Variants in ANKFN1 observed in about 807,000 individuals in gnomAD.
The protein encoded by ANKFN1 is ankyrin repeat and fibronectin type III domain containing 1.
ANKFN1 carries 74 observed loss-of-function variants against 108.7 expected under a neutral mutation model. The observed-to-expected ratio is 0.68, with a 90% confidence interval of 0.56 to 0.83. The LOEUF (loss-of-function observed/expected upper bound fraction) is 0.83. Among genes scored for constraint, ANKFN1 ranks in the 40% least tolerant of loss-of-function variants. The probability of loss-of-function intolerance (pLI) is 0.00; values close to 1 mark genes in which losing one functional copy is unlikely to be tolerated. For synonymous variants in ANKFN1, 547 were observed against 516.2 expected (o/e 1.06, Z -0.81); for missense variants, 1,505 against 1,382.3 (o/e 1.09, Z -1.41).
intron 4 of ANKFN1, among the ~76,000 whole-genome samples, chr17:56,094,787 C>T (rs924042144): frequency 2.0e-5 from 3 of 149,208 alleles, no homozygotes; most frequent in Non-Finnish European, 4.5e-5. Flanking sequence ...CCCAAAGTGT[C>T]GGGATTACAG....
chr17:56,449,114 A>C lies in ANKFN1; in HGVS notation c.1135A>C (p.Lys379Gln). 1 of 1,613,422 alleles carries C rather than the reference A, an allele frequency of 6.2e-7. No individual in the cohort carries two copies. The highest frequency in any genetic ancestry group is 8.5e-7 in the Non-Finnish European group (1 of 1,179,544). Residue 379 changes from lysine to glutamine, a missense_variant, in exon 11 of 21, where the codon AAG (lysine) becomes CAG (glutamine). Transcript: ENST00000682825. ...CTATGACGACAGAGAGCCCAGACAC[A>C]AGGGACAGAGTGAAGTTTTGGAAGG... ...KDYDDREPRH[K>Q]GQSEVLEGLL...
intron 1 of ANKFN1, among the ~76,000 whole-genome samples, chr17:56,189,480 T>C (rs1258703508): frequency 1.3e-5 from 2 of 152,152 alleles, no homozygotes; most frequent in Non-Finnish European, 2.9e-5. Flanking sequence ...TGCCCTGACT[T>C]TTTGTGAGCC....
intron 10 of ANKFN1, among the ~76,000 whole-genome samples, chr17:56,447,298 G>T (rs1053005985): frequency 5.9e-5 from 9 of 152,168 alleles, no homozygotes; most frequent in African/African-American, 1.9e-4. Context: ...TTAAGTCATG[G>T]TTCTTGACCA....
At chr17:56,135,579 G>A (rs1907549456) in intron 4 of ANKFN1, among the ~76,000 whole-genome samples, 1 of 152,136 alleles carries the variant, frequency 6.6e-6, no homozygotes, top group Non-Finnish European at 1.5e-5. Flanking sequence ...TGAATGAGAA[G>A]GTCATTAACT....
At chr17:56,508,830 G>A (rs1013621656) in intron 20 of ANKFN1, among the ~76,000 whole-genome samples, 22 of 152,178 alleles carry the variant, frequency 1.4e-4, no homozygotes, top group African/African-American at 5.1e-4. Context: ...CCTAGAGACA[G>A]ATATAATTTC....
intron 1 of ANKFN1, among the ~76,000 whole-genome samples, chr17:56,199,349 AT>A (rs1198967409): frequency 1.3e-5 from 2 of 150,786 alleles, no homozygotes; most frequent in African/African-American, 4.9e-5. Flanking sequence ...CTATTCCAAC[AT>A]TTTTTTCAGT....
At chr17:56,217,823 T>G (rs1313760613) in intron 2 of ANKFN1, among the ~76,000 whole-genome samples, 1 of 152,200 alleles carries the variant, frequency 6.6e-6, no homozygotes, top group Non-Finnish European at 1.5e-5. Flanking sequence ...TAAGGGGTTT[T>G]GGGTATAGAA....
chr17:56,128,051 CT>C (rs1907040812), intron 4 of ANKFN1, among the ~76,000 whole-genome samples: 1 of 152,156 alleles, frequency 6.6e-6, no homozygotes, highest in Non-Finnish European at 1.5e-5. Flanking sequence ...GTCCTCTCCC[CT>C]TTTCCTTCCC....
intron 4 of ANKFN1, among the ~76,000 whole-genome samples, chr17:56,347,822 G>A (rs1177340753): frequency 1.3e-5 from 2 of 152,086 alleles, no homozygotes; most frequent in Non-Finnish European, 2.9e-5. Flanking sequence ...ACAGATGGGA[G>A]ATGAGCAAAG....
intron 4 of ANKFN1, among the ~76,000 whole-genome samples, chr17:56,121,755 C>G (rs538927826): frequency 6.6e-6 from 1 of 152,242 alleles, no homozygotes; most frequent in Admixed American, 6.5e-5. Context: ...GGATCATTAA[C>G]ATTGGTTATA....
intron 1 of ANKFN1, among the ~76,000 whole-genome samples, chr17:56,166,479 G>T (rs1910138792): frequency 6.6e-6 from 1 of 152,080 alleles, no homozygotes; most frequent in South Asian, 2.1e-4. Context: ...TCCCTCAATG[G>T]GATGATCTCT....
intron 4 of ANKFN1, among the ~76,000 whole-genome samples, chr17:56,345,756 T>A (rs2046083091): frequency 6.6e-6 from 1 of 152,190 alleles, no homozygotes; most frequent in African/African-American, 2.4e-5. Flanking sequence ...TCTTGTAAAT[T>A]TATTTAAGTA....
intron 2 of ANKFN1, chr17:56,224,863 T>A (rs1392357111): frequency 6.6e-6 from 1 of 152,318 alleles, no homozygotes; most frequent in Non-Finnish European, 1.5e-5. Context: ...GGTCAAAGTC[T>A]GTTCTGTATG....
chr17:56,344,225 A>C (rs1349162237), intron 4 of ANKFN1, among the ~76,000 whole-genome samples: 1 of 152,008 alleles, frequency 6.6e-6, no homozygotes, highest in East Asian at 1.9e-4. Flanking sequence ...CCCAGTGTTC[A>C]TTGTTGTTTA....
At chr17:56,124,144 T>A (rs1204157002) in intron 4 of ANKFN1, among the ~76,000 whole-genome samples, 2 of 152,164 alleles carry the variant, frequency 1.3e-5, no homozygotes, top group Non-Finnish European at 2.9e-5. Context: ...ATTCAGTAGG[T>A]CTGGGACGGG....
intron 3 of ANKFN1, among the ~76,000 whole-genome samples, chr17:56,322,128 C>T (rs1333315851): frequency 6.6e-6 from 1 of 152,038 alleles, no homozygotes; most frequent in Non-Finnish European, 1.5e-5. Flanking sequence ...GTTCTTTTCT[C>T]TGTCTTAAAA....
intron 4 of ANKFN1, among the ~76,000 whole-genome samples, chr17:56,062,364 C>A (rs1228259387): frequency 6.6e-6 from 1 of 152,140 alleles, no homozygotes; most frequent in East Asian, 1.9e-4. Context: ...GTGTAGGAGT[C>A]TAAGTCTCTT....
At chr17:56,247,264 T>C (rs1239521129) in intron 3 of ANKFN1, among the ~76,000 whole-genome samples, 1 of 152,198 alleles carries the variant, frequency 6.6e-6, no homozygotes, top group East Asian at 1.9e-4. Context: ...AAGGCACAAG[T>C]CTGAATTTGA....
chr17:56,178,382 C>T (rs974387306), intron 1 of ANKFN1, among the ~76,000 whole-genome samples: 2 of 152,326 alleles, frequency 1.3e-5, no homozygotes, highest in South Asian at 2.1e-4. Flanking sequence ...AATTTGGCAA[C>T]ATAAGCTAAT....
Sources: allele counts gnomAD v4.1 joint callset (sites outside exome capture counted in the v4.1 genomes callset), GRCh38; gene constraint gnomAD v4.1.1; transcripts MANE v1.5; gene names NCBI Gene and HGNC (gene_info 2026-07-23, HGNC 2026-07-21).